The following SLC23A2 variants were observed in gnomAD, a reference collection of about 807,000 sequenced individuals.
SLC23A2 encodes Na(+)/L-ascorbic acid transporter 2.
A neutral mutation model predicts 73.3 loss-of-function variants in SLC23A2; 36 were observed. The ratio of observed to expected loss-of-function variants is 0.49; its 90% CI spans 0.38 to 0.65. The LOEUF is 0.65. SLC23A2 is among the 30% of genes least tolerant of loss of function. SLC23A2 has a pLI of 0.00. For missense variants in SLC23A2, 507 were observed against 841.6 expected (o/e 0.60, Z 4.92); for synonymous variants, 343 against 327.3 (o/e 1.05, Z -0.52).
chr20:4,999,251 C>T (rs1352163824), intron 1 of SLC23A2, among the ~76,000 whole-genome samples: 1 of 152,164 alleles, frequency 6.6e-6, no homozygotes, highest in East Asian at 1.9e-4. Context: ...GGATTTCAAA[C>T]ACCCCACAAA....
chr20:4,873,796 G>T, intron 11 of SLC23A2, 140 bp downstream of exon 11: 1 of 740,642 alleles, frequency 1.4e-6, no homozygotes, highest in Non-Finnish European at 2.1e-6. Flanking sequence ...TCCCTTACTT[G>T]CTGTCTAATC....
chr20:5,000,489 C>T (rs182345035), intron 1 of SLC23A2, among the ~76,000 whole-genome samples: 1 of 152,270 alleles, frequency 6.6e-6, no homozygotes, highest in African/African-American at 2.4e-5. Context: ...CAATTGTCAG[C>T]AGGGACTGCA....
At chr20:4,929,152 A>C (rs1932757290) in intron 3 of SLC23A2, among the ~76,000 whole-genome samples, 1 of 151,948 alleles carries the variant, frequency 6.6e-6, no homozygotes. Flanking sequence ...TGCAGTCCTA[A>C]CTACTCAGGA....
In SLC23A2 at chr20:4,862,923, G is replaced by A. The variant is rs757444356; in HGVS notation, c.1357-16C>T. 9 of 1,600,190 alleles carry A rather than the reference G, an allele frequency of 5.6e-6. No individual in the cohort carries two copies. The highest frequency in any genetic ancestry group is 6.8e-6 in the Non-Finnish European group (8 of 1,169,708). ...GGCTGCCGACCTGCAGAACACACAG[G>A]AGACTGGGAAACAGGGACTCATCTC... On this transcript the variant is annotated splice_polypyrimidine_tract_variant and intron_variant, in intron 13 of 16. Transcript: ENST00000338244. This position sits in a 1 kb window ranked among gnomAD's most constrained non-coding sequence, Gnocchi z 5.1.
intron 4 of SLC23A2, among the ~76,000 whole-genome samples, chr20:4,910,901 A>G (rs79594102): frequency 0.073 from 11,071 of 152,316 alleles, 625 homozygotes; most frequent in Admixed American, 0.13. Context: ...CCAAACAGGA[A>G]AATGAACATC....
intron 1 of SLC23A2, among the ~76,000 whole-genome samples, chr20:4,973,101 A>G (rs2087590433): frequency 6.6e-6 from 1 of 152,264 alleles, no homozygotes; most frequent in South Asian, 2.1e-4. Context: ...TTTCACTTTT[A>G]TTAAAAGGAT....
At chr20:4,894,596 G>C (rs1400973106) in intron 6 of SLC23A2, among the ~76,000 whole-genome samples, 3 of 152,168 alleles carry the variant, frequency 2.0e-5, no homozygotes, top group African/African-American at 7.2e-5. Context: ...CAGCAGGGAG[G>C]GGAACCATGC....
At chr20:4,990,528 C>A (rs2087908225) in intron 1 of SLC23A2, among the ~76,000 whole-genome samples, 1 of 151,260 alleles carries the variant, frequency 6.6e-6, no homozygotes, top group Non-Finnish European at 1.5e-5. Flanking sequence ...TGCACCACCA[C>A]AACCAGCTAA....
intron 2 of SLC23A2, among the ~76,000 whole-genome samples, chr20:4,954,698 C>CAAAAA (rs200579910): frequency 3.1e-4 from 17 of 54,752 alleles, no homozygotes; most frequent in African/African-American, 4.2e-4. Context: ...GACTCCATCA[C>CAAAAA]AAAAAAAAAA....
At position 4,914,857 on chromosome 20, in the gene SLC23A2, C is replaced by T. The variant is rs547810919; in HGVS notation, c.109-1879G>A. ...GGAGTTCGAGACCAGCTGGCCAACA[C>T]AGTGAAACCCCGTCTCTACTAAAAA... On this transcript the variant is annotated intron_variant, in intron 3 of 16. Coordinates refer to ENST00000338244, the MANE Select transcript of SLC23A2 (RefSeq NM_005116.6). Among the ~76,000 whole-genome samples the T allele has an allele frequency of 1.1e-4, 17 of 152,124 alleles. 1 individual carries two copies. In the East Asian group the frequency reaches 3.3e-3, roughly 29 times the overall value.
intron 3 of SLC23A2, among the ~76,000 whole-genome samples, chr20:4,917,840 T>C (rs2122906630): frequency 6.6e-6 from 1 of 152,320 alleles, no homozygotes; most frequent in African/African-American, 2.4e-5. Context: ...TCGTCTCTGA[T>C]CTATTTACGT....
At chr20:5,003,372 A>G (rs912563073), upstream of SLC23A2, among the ~76,000 whole-genome samples, 1 of 152,194 alleles carries the variant, frequency 6.6e-6, no homozygotes, top group Admixed American at 6.5e-5. Flanking sequence ...CGACAGAGCA[A>G]GACTCCGTCT....
At chr20:4,915,500 GA>G (rs1932290613) in intron 3 of SLC23A2, among the ~76,000 whole-genome samples, 2 of 152,144 alleles carry the variant, frequency 1.3e-5, no homozygotes, top group Non-Finnish European at 2.9e-5. Flanking sequence ...AGAAATTTAA[GA>G]CTAAAATCCT....
At position 4,883,340 on chromosome 20, in the gene SLC23A2, T is replaced by C. The variant is rs570331533; in HGVS notation, c.824+302A>G. On this transcript the variant is annotated intron_variant, in intron 9 of 16. Coordinates refer to ENST00000338244, the MANE Select transcript of SLC23A2 (RefSeq NM_005116.6). This position sits in a 1 kb window ranked among gnomAD's most constrained non-coding sequence, Gnocchi z 4.5. ...GTATGTCAACTCATGAACATGAGACTTGGCAAGACCTCAAAAGTCAAAAAC... is the reference window on the plus strand; with the variant it reads ...GTATGTCAACTCATGAACATGAGACCTGGCAAGACCTCAAAAGTCAAAAAC... 6.6e-6 allele frequency among the ~76,000 whole-genome samples: 1 copy of C among 152,316 alleles called. No individual in the cohort carries two copies. Among genetic ancestry groups the C allele is most frequent in the South Asian group, 2.1e-4 (1 of 4,826 alleles).
intron 1 of SLC23A2, among the ~76,000 whole-genome samples, chr20:4,982,444 C>A (rs1482275725): frequency 6.6e-6 from 1 of 152,220 alleles, no homozygotes; most frequent in Non-Finnish European, 1.5e-5. Context: ...ACTACCCAAA[C>A]TGATCTTCAG....
At chr20:4,920,221 A>G (rs552213377) in intron 3 of SLC23A2, among the ~76,000 whole-genome samples, 2 of 152,230 alleles carry the variant, frequency 1.3e-5, no homozygotes, top group African/African-American at 2.4e-5. Flanking sequence ...AGAACATGAC[A>G]CTGCACTCCA....
chr20:5,000,704 G>C (rs892755744), intron 1 of SLC23A2, among the ~76,000 whole-genome samples: 2 of 152,048 alleles, frequency 1.3e-5, no homozygotes, highest in African/African-American at 4.8e-5. Flanking sequence ...CCCATCCAAG[G>C]GGGGGCATCT....
chr20:4,961,103 CTTTT>C (rs1330252792), intron 2 of SLC23A2, among the ~76,000 whole-genome samples: 3 of 140,964 alleles, frequency 2.1e-5, no homozygotes, highest in Non-Finnish European at 3.1e-5. Context: ...TTTTTTTTTT[CTTTT>C]TCTTTTTTTT....
intron 7 of SLC23A2, among the ~76,000 whole-genome samples, chr20:4,885,095 C>CA (rs936353365): frequency 5.9e-5 from 9 of 152,262 alleles, no homozygotes; most frequent in Admixed American, 4.6e-4. Flanking sequence ...CAGCCTCACA[C>CA]AAAAAAACCA....
Sources: gnomAD v4.1 joint callset for allele counts (sites outside exome capture counted in the v4.1 genomes callset) on GRCh38, gnomAD v4.1.1 for gene constraint, Gnocchi (gnomAD v3.1) non-coding constraint, MANE v1.5 for transcripts, NCBI Gene and HGNC (gene_info 2026-07-23, HGNC 2026-07-21) for gene names.